Variants in SLK observed in about 807,000 individuals in gnomAD.
SLK encodes STE20-like serine/threonine-protein kinase.
SLK carries 67 observed loss-of-function variants against 147.7 expected under a neutral mutation model. The ratio of observed to expected loss-of-function variants is 0.45; its 90% CI spans 0.37 to 0.56. The LOEUF is 0.56. Ranked by LOEUF, SLK falls within the 20% of genes least tolerant of loss-of-function variation. SLK has a pLI of 0.00. For missense variants in SLK, 1,136 were observed against 1,438.8 expected (o/e 0.79, Z 3.41); for synonymous variants, 441 against 475.0 (o/e 0.93, Z 0.93).
At chr10:104,016,308 G>T (rs2134524548) in intron 13 of SLK, among the ~76,000 whole-genome samples, 1 of 150,234 alleles carries the variant, frequency 6.7e-6, no homozygotes, top group Non-Finnish European at 1.5e-5. Flanking sequence ...GACAGAGCAA[G>T]ACTCTCTTTC....
chr10:104,001,504 G>T lies in SLK; in HGVS notation c.925G>T (p.Ala309Ser). 1 of 1,614,070 alleles carries T rather than the reference G, an allele frequency of 6.2e-7. No homozygotes were observed. The highest frequency in any genetic ancestry group is 8.5e-7 in the Non-Finnish European group (1 of 1,179,984). The change falls in exon 8 of 19, where the codon GCT (alanine) becomes TCT (serine). Residue 309 changes from alanine to serine, a missense_variant. By Grantham distance (99) the Ala-to-Ser change is moderately conservative. This residue lies in a region of SLK where 141 missense variants were observed against 219.3 expected (regional missense o/e 0.64). Coordinates refer to ENST00000369755, the MANE Select transcript of SLK (RefSeq NM_014720.4). ...CCGAGAATTGATTGCAGAGGCGAAG[G>T]CTGAAGTAACAGAAGAAGTTGAAGA... ...PIRELIAEAK[A>S]EVTEEVEDGK...
intron 8 of SLK, 104 bp from the exon 9 acceptor site, chr10:104,002,068 A>C (rs1415630287): frequency 4.5e-6 from 4 of 890,826 alleles, no homozygotes; most frequent in Non-Finnish European, 6.7e-6. Context: ...AAATTCAGCA[A>C]CATTTACTGA....
rs144466863 is a variant in SLK at position 103,970,044 on chromosome 10, G to A, written c.150+2149G>A. ...TATAACTTAGCTCTCTCACTCAATA[G>A]CAGCATATGACCTTGAGCAAGTTTC... On this transcript the variant is annotated intron_variant, in intron 1 of 18. Coordinates refer to ENST00000369755, the MANE Select transcript of SLK (RefSeq NM_014720.4). Among the ~76,000 whole-genome samples the A allele has an allele frequency of 9.2e-5, 14 of 152,302 alleles. 1 individual carries two copies. Among genetic ancestry groups the A allele is most frequent in the African/African-American group, 2.6e-4 (11 of 41,560 alleles).
Position 103,974,802 on chromosome 10 carries a change from T to C in SLK, c.150+6907T>C, listed in dbSNP as rs1337425594. 1.5e-4 allele frequency: 21 copies of C among 136,448 alleles called. No individual in the cohort carries two copies. The East Asian group carries it at 4.5e-3, about 29-fold the overall frequency. 8.5% of individuals were successfully genotyped at this position (136,448 alleles called of 1,614,324 possible). ...AGTAGGTGGGACTACAGGTGCCTGC[T>C]ACCACGCCCGGCTAATTTTTTCTAT... On this transcript the variant is annotated intron_variant, in intron 1 of 18. Coordinates refer to ENST00000369755, the MANE Select transcript of SLK (RefSeq NM_014720.4).
intron 18 of SLK, among the ~76,000 whole-genome samples, chr10:104,023,660 T>C (rs529146964): frequency 2.4e-4 from 36 of 152,358 alleles, no homozygotes; most frequent in South Asian, 1.0e-3. Context: ...TGTGACCTTT[T>C]TTGGTCACTG....
chr10:103,994,680 A>G (rs74154715), intron 4 of SLK, among the ~76,000 whole-genome samples: 181 of 152,330 alleles, frequency 1.2e-3, no homozygotes, highest in African/African-American at 4.2e-3. Context: ...TTAAAATTTT[A>G]TGGGAGGAGG....
chr10:104,007,669 G>A (rs1844344869), intron 11 of SLK, among the ~76,000 whole-genome samples: 1 of 151,036 alleles, frequency 6.6e-6, no homozygotes. Context: ...AGTGGTTCAT[G>A]CCTGTAATAC....
intron 1 of SLK, among the ~76,000 whole-genome samples, chr10:103,973,337 G>A (rs972880102): frequency 4.6e-5 from 7 of 152,164 alleles, no homozygotes; most frequent in Non-Finnish European, 8.8e-5. Context: ...GCATGTGTCT[G>A]TTTCTGCATT....
intron 1 of SLK, among the ~76,000 whole-genome samples, chr10:103,985,415 G>A (rs1844000394): frequency 6.6e-6 from 1 of 152,138 alleles, no homozygotes; most frequent in Non-Finnish European, 1.5e-5. Context: ...AACAATTTGA[G>A]TTGTTTAGTT....
chr10:103,972,650 C>T (rs947827255), intron 1 of SLK, among the ~76,000 whole-genome samples: 46 of 142,214 alleles, frequency 3.2e-4, no homozygotes, highest in Non-Finnish European at 3.2e-4. Context: ...CCAGCCTGGG[C>T]GAAAGAGCAA....
chr10:103,967,490 C>G lies in SLK; in HGVS notation c.-256C>G, dbSNP rs947951559. 6.7e-6 allele frequency: 1 copy of G among 149,862 alleles called. No individual in the cohort carries two copies. The highest frequency in any genetic ancestry group is 1.5e-5 in the Non-Finnish European group (1 of 67,334). 9.3% of individuals were successfully genotyped at this position (149,862 alleles called of 1,614,324 possible). A position where few individuals can be genotyped will look rare whatever the true frequency, so the allele number is the denominator to read the frequency against. ...CAGGTGCCGCTCCCGGAGGGTGGGC[C>G]GGAGGCGAGGCGCCCACCGCGCGGC... On this transcript the variant is annotated 5_prime_UTR_variant, in exon 1 of 19. Transcript: ENST00000369755.
chr10:104,016,870 G>A (rs1385446149), intron 13 of SLK, among the ~76,000 whole-genome samples: 11 of 152,150 alleles, frequency 7.2e-5, no homozygotes, highest in Non-Finnish European at 1.3e-4. Flanking sequence ...TGATGTTCTC[G>A]AGGATGTGCA....
At chr10:104,004,544 G>A (rs1275917190) in intron 9 of SLK, among the ~76,000 whole-genome samples, 5 of 152,282 alleles carry the variant, frequency 3.3e-5, no homozygotes, top group African/African-American at 1.2e-4. Context: ...CCTGGGTAGG[G>A]TACCATAGTC....
At chr10:104,024,698 A>G (rs553210304) in intron 18 of SLK, among the ~76,000 whole-genome samples, 1 of 152,240 alleles carries the variant, frequency 6.6e-6, no homozygotes, top group African/African-American at 2.4e-5. Context: ...CCTCTACAGC[A>G]CCACTTATCC....
chr10:103,970,661 ACTTC>A (rs1843781417), intron 1 of SLK, among the ~76,000 whole-genome samples: 1 of 152,198 alleles, frequency 6.6e-6, no homozygotes, highest in African/African-American at 2.4e-5. Context: ...GGATTTATAA[ACTTC>A]CTTATATTTG....
In SLK at chr10:103,999,288, C is replaced by A; in HGVS notation, c.757C>A (p.Pro253Thr). 6.2e-7 allele frequency: 1 copy of A among 1,611,828 alleles called. No homozygotes were observed. Among genetic ancestry groups the A allele is most frequent in the South Asian group, 1.1e-5 (1 of 90,634 alleles). Reference sequence around the variant, plus strand: ...GCTAAAAATAGCAAAATCTGAGCCACCTACATTAGCACAGCCATCCAGATG... The same window carrying A: ...GCTAAAAATAGCAAAATCTGAGCCAACTACATTAGCACAGCCATCCAGATG... ...VLLKIAKSEP[P>T]TLAQPSRWSS... The change falls in exon 6 of 19, where the codon CCT (proline) becomes ACT (threonine). Residue 253 changes from proline (P) to threonine (T), a missense_variant. Pro to Thr is a conservative substitution (Grantham distance 38). Coordinates refer to ENST00000369755, the MANE Select transcript of SLK (RefSeq NM_014720.4).
chr10:104,002,147 T>C (rs1278361038), intron 8 of SLK, 25 bp from the exon 9 acceptor site: 1 of 1,537,778 alleles, frequency 6.5e-7, no homozygotes, highest in South Asian at 1.3e-5. Flanking sequence ...GTTTTAACAC[T>C]AAAAATACAT....
chr10:103,990,055 A>G (rs569702127), intron 1 of SLK, among the ~76,000 whole-genome samples: 2 of 152,226 alleles, frequency 1.3e-5, no homozygotes, highest in Non-Finnish European at 2.9e-5. Flanking sequence ...GTAAATACAT[A>G]TTACTAAGTG....
At position 104,004,889 on chromosome 10, in the gene SLK, C is replaced by A. The variant is rs561891532; in HGVS notation, c.2350-672C>A. Among the ~76,000 whole-genome samples the A allele has an allele frequency of 2.6e-5, 4 of 152,222 alleles. No homozygotes were observed. The East Asian group carries it at 5.8e-4, about 22-fold the overall frequency. ...TTAGTCTTAATAAAGAATTTTAGGT[C>A]ATAGCTAGCAGCCAAATCTGGTACT... On this transcript the variant is annotated intron_variant, in intron 9 of 18. Transcript: ENST00000369755.
Sources: gnomAD v4.1 joint callset for allele counts (sites outside exome capture counted in the v4.1 genomes callset) on GRCh38, gnomAD v4.1.1 for gene constraint, gnomAD v4.1.1 regional missense constraint, MANE v1.5 for transcripts, NCBI Gene and HGNC (gene_info 2026-07-23, HGNC 2026-07-21) for gene names.